NFE2L3: variants seen among roughly 807,000 people sequenced by gnomAD.
The protein encoded by NFE2L3 is NFE2 like bZIP transcription factor 3, also known as nuclear factor erythroid 2-related factor 3.
A neutral mutation model predicts 23.5 loss-of-function variants in NFE2L3; 18 were observed. The observed-to-expected ratio is 0.77, with a 90% confidence interval of 0.53 to 1.13. The LOEUF is 1.13. NFE2L3 is among the 50% of genes most tolerant of loss of function. NFE2L3 has a pLI of 0.00. For missense variants in NFE2L3, 1,152 were observed against 877.2 expected (o/e 1.31, Z -3.96); for synonymous variants, 424 against 354.5 (o/e 1.20, Z -2.20).
intron 1 of NFE2L3, among the ~76,000 whole-genome samples, chr7:26,170,270 A>T (rs1396829091): frequency 6.6e-6 from 1 of 152,174 alleles, no homozygotes; most frequent in Non-Finnish European, 1.5e-5. Context: ...TATCCACTGT[A>T]GCCACTACCT....
intron 1 of NFE2L3, among the ~76,000 whole-genome samples, chr7:26,175,325 G>A (rs191946562): frequency 9.9e-5 from 15 of 151,862 alleles, no homozygotes; most frequent in Admixed American, 3.3e-4. Context: ...TCGCCACTGC[G>A]CTCCACCCTG....
chr7:26,176,863 GGC>G, intron 1 of NFE2L3, among the ~76,000 whole-genome samples: 1 of 134,536 alleles, frequency 7.4e-6, no homozygotes, highest in Non-Finnish European at 1.6e-5. Context: ...GCCGGGCAGA[GGC>G]ACTCCTCACC....
Position 26,152,630 on chromosome 7 carries a change from C to G in NFE2L3, c.132C>G (p.Asp44Glu). The G allele has an allele frequency of 6.5e-7, 1 of 1,530,302 alleles. No individual in the cohort carries two copies. 94.8% of individuals were successfully genotyped at this position (1,530,302 alleles called of 1,614,324 possible). A position where few individuals can be genotyped will look rare whatever the true frequency, so the allele number is the denominator to read the frequency against. Reference protein sequence around the residue: ...LLLPPPTLLQDELLFLGGPAS... With the variant: ...LLLPPPTLLQEELLFLGGPAS... ...TGCCGCCGCCCACCCTGCTGCAGGA[C>G]GAGCTGCTGTTCCTGGGCGGCCCGG... is the stretch of plus-strand genomic sequence containing the variant. The change falls in exon 1 of 4, where the codon GAC (aspartate) becomes GAG (glutamate). Residue 44 changes from aspartate to glutamate, a missense_variant. Transcript: ENST00000056233. This position sits in a 1 kb window ranked among gnomAD's most constrained non-coding sequence, Gnocchi z 4.4.
intron 2 of NFE2L3, among the ~76,000 whole-genome samples, chr7:26,179,349 A>C (rs991152448): frequency 1.3e-5 from 2 of 151,986 alleles, no homozygotes; most frequent in African/African-American, 2.4e-5. Context: ...AAAATTACAA[A>C]AATTAGTTGG....
At chr7:26,182,209 A>ATAAATAACAC (rs1784528383) in intron 2 of NFE2L3, among the ~76,000 whole-genome samples, 1 of 152,232 alleles carries the variant, frequency 6.6e-6, no homozygotes, top group African/African-American at 2.4e-5. Flanking sequence ...AAGTTTCATT[A>ATAAATAACAC]TAAATAACAC....
intron 2 of NFE2L3, among the ~76,000 whole-genome samples, chr7:26,180,255 A>AG (rs1429929008): frequency 6.6e-6 from 1 of 152,086 alleles, no homozygotes; most frequent in African/African-American, 2.4e-5. Context: ...GATGAAGGGG[A>AG]GGGGGTAGAG....
chr7:26,185,435 C>A lies in NFE2L3; in HGVS notation c.1737C>A (p.Ile579=), dbSNP rs189509535. ...YYLTDLQVSL[I]RDIRRRGKNK... ...TGACAGACCTACAAGTCTCACTTAT[C>A]CGTGACATCAGACGAAGAGGGAAAA... The change falls in exon 4 of 4, where the codon ATC becomes ATA. Residue 579 remains isoleucine (I), a synonymous_variant. Transcript: ENST00000056233. 163 of 1,614,090 alleles carry A rather than the reference C, an allele frequency of 1.0e-4. No individual in the cohort carries two copies. The East Asian group carries it at 3.2e-3, about 32-fold the overall frequency.
At chr7:26,180,157 A>G (rs11977822) in intron 2 of NFE2L3, among the ~76,000 whole-genome samples, 3,995 of 152,266 alleles carry the variant, frequency 0.026, 69 homozygotes, top group Middle Eastern at 0.048. Context: ...AGGCAAAAAC[A>G]GGACACTAAG....
rs758401428 is a variant in NFE2L3 at position 26,185,031 on chromosome 7, G to T, written c.1333G>T (p.Gly445Cys). The change falls in exon 4 of 4, where the codon GGT (glycine) becomes TGT (cysteine). Residue 445 changes from glycine (G) to cysteine (C), a missense_variant. Gly to Cys is a radical substitution (Grantham distance 159). Transcript: ENST00000056233. Reference protein sequence around the residue: ...SNSSHSVCDEGAIGYCTDHES... With the variant: ...SNSSHSVCDECAIGYCTDHES... ...TTCCTCTCACTCTGTGTGTGATGAA[G>T]GTGCTATAGGTTATTGCACTGACCA... is the stretch of plus-strand genomic sequence containing the variant. 5 of 1,613,660 alleles carry T rather than the reference G, an allele frequency of 3.1e-6. No individual in the cohort carries two copies. Among genetic ancestry groups the T allele is most frequent in the Non-Finnish European group, 3.4e-6 (4 of 1,179,802 alleles).
chr7:26,163,423 T>G (rs905620095), intron 1 of NFE2L3, among the ~76,000 whole-genome samples: 3 of 152,210 alleles, frequency 2.0e-5, no homozygotes, highest in Non-Finnish European at 2.9e-5. Flanking sequence ...CTCAGCTCAC[T>G]GCAACCTCCA....
chr7:26,179,387 C>A (rs1246074901), intron 2 of NFE2L3, among the ~76,000 whole-genome samples: 1 of 151,888 alleles, frequency 6.6e-6, no homozygotes, highest in Non-Finnish European at 1.5e-5. Context: ...GTACTCCTAG[C>A]TATCCAGGAG....
Position 26,172,768 on chromosome 7 carries a change from C to G in NFE2L3, c.571-5175C>G, listed in dbSNP as rs190446932. On this transcript the variant is annotated intron_variant, in intron 1 of 3. Coordinates refer to ENST00000056233, the MANE Select transcript of NFE2L3 (RefSeq NM_004289.7). ...TATTGTGTCCTCCATATCAGGAGAC[C>G]ACGATGTTGGTTTAACTTCGTATTT... is the stretch of plus-strand genomic sequence containing the variant. Among the ~76,000 whole-genome samples the G allele has an allele frequency of 3.9e-5, 6 of 152,246 alleles. No individual in the cohort carries two copies. The East Asian group carries it at 1.2e-3, about 29-fold the overall frequency.
In NFE2L3 at chr7:26,185,066, T is replaced by C; in HGVS notation, c.1368T>C (p.Ser456=). 1 of 1,613,764 alleles carries C rather than the reference T, an allele frequency of 6.2e-7. No individual in the cohort carries two copies. The highest frequency in any genetic ancestry group is 1.7e-5 in the Admixed American group (1 of 60,002). Residue 456 remains serine, a synonymous_variant, in exon 4 of 4, where the codon AGT becomes AGC. Coordinates refer to ENST00000056233, the MANE Select transcript of NFE2L3 (RefSeq NM_004289.7). The part of the protein sequence containing the change: ...AIGYCTDHES[S]SHHDLEGAVG... ...GTTATTGCACTGACCATGAATCTAG[T>C]TCCCATCATGACTTAGAAGGTGCTG... is the stretch of plus-strand genomic sequence containing the variant.
intron 1 of NFE2L3, among the ~76,000 whole-genome samples, chr7:26,177,402 G>C (rs1186820410): frequency 6.6e-6 from 1 of 152,238 alleles, no homozygotes; most frequent in Non-Finnish European, 1.5e-5. Flanking sequence ...CTGGAGACCA[G>C]CCTGGCCAAC....
At chr7:26,170,400 G>A (rs954884494) in intron 1 of NFE2L3, among the ~76,000 whole-genome samples, 3 of 151,976 alleles carry the variant, frequency 2.0e-5, no homozygotes, top group Non-Finnish European at 4.4e-5. Context: ...TCACCCCCTC[G>A]TTTCCTATGT....
intron 1 of NFE2L3, among the ~76,000 whole-genome samples, chr7:26,172,142 ATATGTC>A (rs112725403): frequency 2.0e-4 from 30 of 152,398 alleles, no homozygotes; most frequent in African/African-American, 7.2e-4. Context: ...ATTAAAGTTT[ATATGTC>A]TATGCCCTTG....
intron 1 of NFE2L3, among the ~76,000 whole-genome samples, chr7:26,173,351 T>C (rs777966188): frequency 1.3e-5 from 2 of 152,222 alleles, no homozygotes; most frequent in African/African-American, 2.4e-5. Flanking sequence ...CCTGTTATTA[T>C]TTGTGTAATA....
In NFE2L3 at chr7:26,185,408, T is replaced by C. The variant is rs2128100881; in HGVS notation, c.1710T>C (p.Tyr570=). The change falls in exon 4 of 4, where the codon TAT becomes TAC. Residue 570 remains tyrosine (Y), a synonymous_variant. Transcript: ENST00000056233. ...TCAATAGCATGTTAAGTAGATATTA[T>C]CTGACAGACCTACAAGTCTCACTTA... ...DSFNSMLSRY[Y]LTDLQVSLIR... 4 of 1,614,158 alleles carry C rather than the reference T, an allele frequency of 2.5e-6. No individual in the cohort carries two copies. The East Asian group carries it at 6.7e-5, about 27-fold the overall frequency.
intron 1 of NFE2L3, among the ~76,000 whole-genome samples, chr7:26,155,061 C>T (rs753492481): frequency 8.5e-5 from 13 of 152,232 alleles, no homozygotes; most frequent in Non-Finnish European, 1.8e-4. Flanking sequence ...CAGCTCCTTA[C>T]AGTTGTCACG....
Sources: gnomAD v4.1 joint callset for allele counts (sites outside exome capture counted in the v4.1 genomes callset) on GRCh38, gnomAD v4.1.1 for gene constraint, Gnocchi (gnomAD v3.1) non-coding constraint, MANE v1.5 for transcripts, NCBI Gene and HGNC (gene_info 2026-07-23, HGNC 2026-07-21) for gene names.